ADAM12: variants seen among roughly 807,000 people sequenced by gnomAD.
The protein encoded by ADAM12 is disintegrin and metalloproteinase domain-containing protein 12.
Under a neutral mutation model 106.4 loss-of-function variants are expected in ADAM12, and 70 were observed. The observed-to-expected ratio is 0.66, with a 90% CI of 0.54 to 0.80. The LOEUF (loss-of-function observed/expected upper bound fraction) is 0.80, where lower values mean the gene tolerates loss of function less well. ADAM12 is among the 30% of genes least tolerant of loss of function. The pLI is 0.00. For missense variants in ADAM12, 1,010 were observed against 1,171.9 expected (o/e 0.86, Z 2.02); for synonymous variants, 420 against 433.5 (o/e 0.97, Z 0.39).
At chr10:126,136,791 G>A (rs953273852) in intron 4 of ADAM12, among the ~76,000 whole-genome samples, 1 of 152,206 alleles carries the variant, frequency 6.6e-6, no homozygotes, top group Non-Finnish European at 1.5e-5. Flanking sequence ...TGAAAGGAGG[G>A]TGATAGGGTT....
At chr10:126,149,808 GC>G (rs1250743290) in intron 4 of ADAM12, among the ~76,000 whole-genome samples, 2 of 152,174 alleles carry the variant, frequency 1.3e-5, no homozygotes, top group African/African-American at 4.8e-5. Flanking sequence ...TGCACCATCG[GC>G]TTCCCTACTT....
intron 3 of ADAM12, among the ~76,000 whole-genome samples, chr10:126,264,937 T>C (rs769755978): frequency 6.6e-6 from 1 of 152,212 alleles, no homozygotes; most frequent in Non-Finnish European, 1.5e-5. Context: ...ATTAGGTCTC[T>C]GTAGAGCAGT....
At chr10:126,045,956 T>G in intron 17 of ADAM12, 99 bp downstream of exon 17, 1 of 1,078,822 alleles carries the variant, frequency 9.3e-7, no homozygotes, top group Non-Finnish European at 1.4e-6. Flanking sequence ...AACTGCTCTA[T>G]TTAAAAAATG....
At chr10:126,261,834 G>A (rs1218773971) in intron 3 of ADAM12, among the ~76,000 whole-genome samples, 4 of 145,610 alleles carry the variant, frequency 2.7e-5, no homozygotes, top group East Asian at 2.0e-4. Context: ...ATGGAGTCTC[G>A]CTGTGTCACC....
At chr10:126,169,460 C>T (rs1957081255) in intron 3 of ADAM12, among the ~76,000 whole-genome samples, 1 of 152,246 alleles carries the variant, frequency 6.6e-6, no homozygotes, top group African/African-American at 2.4e-5. Flanking sequence ...TTAGTAGATG[C>T]TCAATAAACA....
chr10:126,115,447 A>G (rs1955963386), intron 6 of ADAM12, among the ~76,000 whole-genome samples: 1 of 152,166 alleles, frequency 6.6e-6, no homozygotes, highest in Non-Finnish European at 1.5e-5. Context: ...AGAGAGAACG[A>G]GCTGACTGTG....
At position 126,388,328 on chromosome 10, in the gene ADAM12, A is replaced by G; in HGVS notation, c.-183T>C. The G allele has an allele frequency of 1.0e-6, 1 of 987,164 alleles. No homozygotes were observed. The highest frequency in any genetic ancestry group is 1.3e-6 in the Non-Finnish European group (1 of 780,694). The allele number at this position is 987,164 out of a possible 1,614,324, so 61.2% of individuals were successfully genotyped here. The stretch of plus-strand genomic sequence containing the variant: ...AGCTCTTCTAGCCTTTCATTTTTAA[A>G]AAAGTTTCCCCCCGTGTGTGTGCGT... On this transcript the variant is annotated 5_prime_UTR_variant, in exon 1 of 23. Transcript: ENST00000448723. This position sits in a 1 kb window ranked among gnomAD's most constrained non-coding sequence, Gnocchi z 4.4.
At chr10:126,221,400 A>C (rs1381483165) in intron 3 of ADAM12, among the ~76,000 whole-genome samples, 1 of 151,702 alleles carries the variant, frequency 6.6e-6, no homozygotes, top group Non-Finnish European at 1.5e-5. Context: ...AAAAAAAAAA[A>C]AAAAAAAGAA....
At chr10:126,315,686 G>C (rs575250058) in intron 2 of ADAM12, among the ~76,000 whole-genome samples, 1 of 145,370 alleles carries the variant, frequency 6.9e-6, no homozygotes, top group Non-Finnish European at 1.5e-5. Context: ...AGTCTCTGGA[G>C]CTCCACCGAG....
At chr10:126,247,854 G>A (rs1478611611) in intron 3 of ADAM12, among the ~76,000 whole-genome samples, 3 of 152,118 alleles carry the variant, frequency 2.0e-5, no homozygotes, top group African/African-American at 7.2e-5. Flanking sequence ...TCACTAAAAC[G>A]CCAAGAAATA....
Position 126,039,299 on chromosome 10 carries a change from T to C in ADAM12, c.2235A>G (p.Lys745=). The part of the protein sequence containing the change: ...LFTNKKTTIE[K]LRCVRPSRPP... Reference sequence around the variant, plus strand: ...ACAAGCTAAACCCAGGGTACCTTAGTTTTTCAATGGTGGTCTTCTTATTTG... The same window carrying C: ...ACAAGCTAAACCCAGGGTACCTTAGCTTTTCAATGGTGGTCTTCTTATTTG... The change falls in exon 19 of 23, where the codon AAA becomes AAG. Residue 745 remains lysine (K), a synonymous_variant. Coordinates refer to ENST00000448723, the MANE Select transcript of ADAM12 (RefSeq NM_001288973.2). 6.2e-7 allele frequency: 1 copy of C among 1,613,806 alleles called. No homozygotes were observed. Among genetic ancestry groups the C allele is most frequent in the Non-Finnish European group, 8.5e-7 (1 of 1,179,866 alleles).
intron 3 of ADAM12, among the ~76,000 whole-genome samples, chr10:126,272,462 G>A (rs1174030203): frequency 6.6e-6 from 1 of 152,030 alleles, no homozygotes; most frequent in Non-Finnish European, 1.5e-5. Flanking sequence ...GCATGAGCAA[G>A]CACATTGTCT....
intron 2 of ADAM12, among the ~76,000 whole-genome samples, chr10:126,293,865 T>G (rs953967182): frequency 1.3e-5 from 2 of 152,100 alleles, no homozygotes; most frequent in Admixed American, 1.3e-4. Context: ...CCTTTAAAAC[T>G]CTCCATGAAG....
chr10:126,171,917 T>C (rs1957127054), intron 3 of ADAM12, among the ~76,000 whole-genome samples: 1 of 152,224 alleles, frequency 6.6e-6, no homozygotes, highest in South Asian at 2.1e-4. Flanking sequence ...ACTCATATTC[T>C]AGAAACATGC....
intron 14 of ADAM12, among the ~76,000 whole-genome samples, chr10:126,052,466 T>C (rs1438294658): frequency 6.6e-6 from 1 of 152,266 alleles, no homozygotes; most frequent in African/African-American, 2.4e-5. Flanking sequence ...TCTTGGGAAT[T>C]GTGACCACTT....
At chr10:126,168,238 T>C (rs1400092273) in intron 3 of ADAM12, among the ~76,000 whole-genome samples, 3 of 152,226 alleles carry the variant, frequency 2.0e-5, no homozygotes, top group African/African-American at 4.8e-5. Context: ...TTTGGGCTGA[T>C]ACATTTCTCA....
rs1421363027 is a variant in ADAM12 at position 126,066,069 on chromosome 10, C to G, written c.1413+648G>C. On this transcript the variant is annotated intron_variant, in intron 13 of 22. Transcript: ENST00000448723. This position sits in a 1 kb window ranked among gnomAD's most constrained non-coding sequence, Gnocchi z 5.1. ...GCAAGCAGAATGTCAGGATCAATTGCTTAATTAAAATGAAATAAAACTCTA... is the reference window on the plus strand; with the variant it reads ...GCAAGCAGAATGTCAGGATCAATTGGTTAATTAAAATGAAATAAAACTCTA... Among the ~76,000 whole-genome samples the G allele has an allele frequency of 6.6e-6, 1 of 152,156 alleles. No homozygotes were observed. Among genetic ancestry groups the G allele is most frequent in the Non-Finnish European group, 1.5e-5 (1 of 68,048 alleles).
intron 1 of ADAM12, among the ~76,000 whole-genome samples, chr10:126,377,218 A>T (rs535694177): frequency 6.6e-6 from 1 of 152,198 alleles, no homozygotes; most frequent in African/African-American, 2.4e-5. Context: ...CCACATACCA[A>T]CTCTATTAGT....
chr10:126,328,358 C>T (rs899517590), intron 2 of ADAM12, among the ~76,000 whole-genome samples: 1 of 152,226 alleles, frequency 6.6e-6, no homozygotes, highest in Non-Finnish European at 1.5e-5. Flanking sequence ...AAATATTCTT[C>T]ACGTGAGTAT....
Sources: gnomAD v4.1 joint callset for allele counts (sites outside exome capture counted in the v4.1 genomes callset) on GRCh38, gnomAD v4.1.1 for gene constraint, Gnocchi (gnomAD v3.1) non-coding constraint, MANE v1.5 for transcripts, NCBI Gene and HGNC (gene_info 2026-07-23, HGNC 2026-07-21) for gene names.